The following NTM variants were observed in gnomAD, a reference collection of about 807,000 sequenced individuals.
NTM encodes IgLON family member 2.
Under a neutral mutation model 42.1 loss-of-function variants are expected in NTM, and 13 were observed. The ratio of observed to expected loss-of-function variants is 0.31; its 90% CI spans 0.20 to 0.49. The LOEUF (loss-of-function observed/expected upper bound fraction) is 0.49, where lower values mean the gene tolerates loss of function less well. NTM is among the 20% of genes least tolerant of loss of function. The pLI is 0.99. For missense variants in NTM, 373 were observed against 452.8 expected, an observed-to-expected ratio of 0.82 and a Z score of 1.60; for synonymous variants, 187 against 179.2, an observed-to-expected ratio of 1.04 and a Z score of -0.35.
At chr11:131,787,465 C>T (rs2089455864) in intron 1 of NTM, among the ~76,000 whole-genome samples, 1 of 151,480 alleles carries the variant, frequency 6.6e-6, no homozygotes, top group South Asian at 2.1e-4. Context: ...CTGCAGCCTC[C>T]TCCTCCTCCT....
chr11:131,657,434 A>C (rs2067350922), intron 1 of NTM, among the ~76,000 whole-genome samples: 1 of 152,232 alleles, frequency 6.6e-6, no homozygotes, highest in Non-Finnish European at 1.5e-5. Context: ...ACATGTCAGC[A>C]GGTAGCTGCT....
chr11:131,733,640 A>G (rs749319892), intron 1 of NTM, among the ~76,000 whole-genome samples: 3 of 151,968 alleles, frequency 2.0e-5, no homozygotes, highest in Non-Finnish European at 4.4e-5. Context: ...GGTTCAAGTG[A>G]TTCTCCTGCC....
Position 132,172,403 on chromosome 11 carries a change from A to G in NTM, c.400+25889A>G, listed in dbSNP as rs150702434. 2.9e-3 allele frequency among the ~76,000 whole-genome samples: 439 copies of G among 152,230 alleles called. No homozygotes were observed. In the Middle Eastern group the frequency reaches 0.034, roughly 12 times the overall value. On this transcript the variant is annotated intron_variant, in intron 3 of 8. Coordinates refer to ENST00000683400, the MANE Select transcript of NTM (RefSeq NM_001352005.2). ...TCTGGACATATCCATTGCCAAGGAG[A>G]TGTCTCTGCCCAAGAAATGGTCTGA... is the stretch of plus-strand genomic sequence containing the variant.
Position 131,452,285 on chromosome 11 carries a change from C to T in NTM, c.82+81397C>T, listed in dbSNP as rs367612612. Among the ~76,000 whole-genome samples, 79 of 152,378 alleles carry T rather than the reference C, an allele frequency of 5.2e-4. 2 individuals carry two copies. In the South Asian group the frequency reaches 0.016, roughly 31 times the overall value. On this transcript the variant is annotated intron_variant, in intron 1 of 8. Coordinates refer to ENST00000683400, the MANE Select transcript of NTM (RefSeq NM_001352005.2). ...GCCTCCCGGCTGCAGGCCCCACTTT[C>T]TCTCTGAGCTTTGCTGTGGCACAGA...
intron 1 of NTM, among the ~76,000 whole-genome samples, chr11:131,633,734 T>TCTCC (rs1565355180): frequency 2.5e-5 from 2 of 79,426 alleles, no homozygotes; most frequent in African/African-American, 1.0e-4. Context: ...TCTCTCTCTC[T>TCTCC]CTCCCTCCCT....
intron 5 of NTM, among the ~76,000 whole-genome samples, chr11:132,309,582 T>G (rs978878804): frequency 9.2e-5 from 14 of 152,190 alleles, no homozygotes; most frequent in Non-Finnish European, 1.9e-4. Context: ...TACATGGTCA[T>G]TTCAACTCTG....
intron 1 of NTM, among the ~76,000 whole-genome samples, chr11:131,882,310 G>A (rs1173912981): frequency 1.3e-5 from 2 of 152,226 alleles, no homozygotes; most frequent in Non-Finnish European, 2.9e-5. Flanking sequence ...TGGTGTCCCA[G>A]CTCAGGTCCT....
intron 6 of NTM, among the ~76,000 whole-genome samples, chr11:132,314,046 C>T (rs540802226): frequency 6.6e-6 from 1 of 151,602 alleles, no homozygotes; most frequent in South Asian, 2.1e-4. Context: ...CTATACAATG[C>T]AATGCTTCTG....
intron 1 of NTM, among the ~76,000 whole-genome samples, chr11:131,485,396 TA>T (rs1484678689): frequency 6.6e-6 from 1 of 152,192 alleles, no homozygotes; most frequent in Non-Finnish European, 1.5e-5. Flanking sequence ...AGGCATTTTG[TA>T]TAGATTATTT....
At chr11:131,486,374 T>C (rs1453523970) in intron 1 of NTM, among the ~76,000 whole-genome samples, 1 of 152,116 alleles carries the variant, frequency 6.6e-6, no homozygotes, top group African/African-American at 2.4e-5. Context: ...AGAATGTAGG[T>C]TCATTGTGCT....
intron 1 of NTM, among the ~76,000 whole-genome samples, chr11:131,712,537 C>T (rs2077280706): frequency 1.3e-5 from 2 of 152,100 alleles, no homozygotes; most frequent in South Asian, 4.1e-4. Flanking sequence ...CTTAGGTTTT[C>T]TTCCCCTTCT....
At chr11:131,427,657 G>A (rs1258013461) in intron 1 of NTM, among the ~76,000 whole-genome samples, 9 of 152,192 alleles carry the variant, frequency 5.9e-5, no homozygotes, top group Non-Finnish European at 1.5e-5. Flanking sequence ...TTGAAAGTGG[G>A]TCTCTAAGTT....
chr11:132,057,655 TG>T (rs1216749034), intron 2 of NTM, among the ~76,000 whole-genome samples: 1 of 152,216 alleles, frequency 6.6e-6, no homozygotes, highest in African/African-American at 2.4e-5. Flanking sequence ...TCATGGTCTC[TG>T]GAGGGGACAC....
rs536939962 is a variant in NTM, at chr11:131,703,897, C to G, written c.83-207667C>G. ...ATAGCCCCAGTTTCCAGGCCTGCCT[C>G]GATGGCCCCGGGCCCCAGACCCACT... On this transcript the variant is annotated intron_variant, in intron 1 of 8. Coordinates refer to ENST00000683400, the MANE Select transcript of NTM (RefSeq NM_001352005.2). Among the ~76,000 whole-genome samples, 14 of 152,208 alleles carry G rather than the reference C, an allele frequency of 9.2e-5. No homozygotes were observed. The South Asian group carries it at 2.9e-3, about 32-fold the overall frequency.
chr11:131,565,239 C>T (rs1295707043), intron 1 of NTM, among the ~76,000 whole-genome samples: 2 of 152,206 alleles, frequency 1.3e-5, no homozygotes, highest in East Asian at 3.9e-4. Context: ...CCACCTCCAG[C>T]CTCAACCAAA....
intron 1 of NTM, among the ~76,000 whole-genome samples, chr11:131,473,336 G>T (rs1351326110): frequency 6.6e-6 from 1 of 152,126 alleles, no homozygotes; most frequent in Admixed American, 6.5e-5. Flanking sequence ...CTCCAAGAGG[G>T]TTTCCTAAGG....
chr11:131,604,891 C>A (rs1264573411), intron 1 of NTM, among the ~76,000 whole-genome samples: 1 of 116,574 alleles, frequency 8.6e-6, no homozygotes. Context: ...GTTTTTTTTT[C>A]TGGACTCTAT....
intron 1 of NTM, among the ~76,000 whole-genome samples, chr11:131,379,461 G>C (rs927277816): frequency 3.9e-5 from 6 of 152,312 alleles, no homozygotes; most frequent in Admixed American, 3.9e-4. Flanking sequence ...TCCAGGACCA[G>C]ATTGCCTTGA....
At chr11:131,598,228 G>A (rs1016323670) in intron 1 of NTM, among the ~76,000 whole-genome samples, 1 of 152,226 alleles carries the variant, frequency 6.6e-6, no homozygotes, top group Non-Finnish European at 1.5e-5. Context: ...GATGCCTCAA[G>A]GGAATATTAA....
Sources: gnomAD v4.1 joint callset for allele counts (sites outside exome capture counted in the v4.1 genomes callset) on GRCh38, gnomAD v4.1.1 for gene constraint, MANE v1.5 for transcripts, NCBI Gene and HGNC (gene_info 2026-07-23, HGNC 2026-07-21) for gene names.